The following BMAL1 variants were observed in gnomAD, a reference collection of about 807,000 sequenced individuals.
BMAL1 encodes basic helix-loop-helix ARNT-like protein 1.
At chr11:13,278,390 G>GA in the BMAL1 span, among the ~76,000 whole-genome samples, 1 of 152,206 alleles carries the variant, frequency 6.6e-6, no homozygotes, top group African/African-American at 2.4e-5. Flanking sequence ...GGGGATCCCC[G>GA]AGGGGACCAT....
At chr11:13,283,690 A>G in the BMAL1 span, among the ~76,000 whole-genome samples, 1 of 152,156 alleles carries the variant, frequency 6.6e-6, no homozygotes, top group Non-Finnish European at 1.5e-5. Context: ...ATTGTTGACA[A>G]ACATGGTATG....
At chr11:13,284,152 ATATATATGTGTG>A in the BMAL1 span, among the ~76,000 whole-genome samples, 237 of 64,764 alleles carry the variant, frequency 3.7e-3, 24 homozygotes, top group African/African-American at 0.014. Flanking sequence ...ATGTGTATAT[ATATATATGTGTG>A]TATATATATA....
chr11:13,296,559 C>T, the BMAL1 span, among the ~76,000 whole-genome samples: 2 of 152,210 alleles, frequency 1.3e-5, no homozygotes, highest in Admixed American at 6.5e-5. Context: ...TTATTACCCT[C>T]CTTTAAAAAT....
At chr11:13,299,977 T>C in the BMAL1 span, among the ~76,000 whole-genome samples, 1 of 152,216 alleles carries the variant, frequency 6.6e-6, no homozygotes, top group Non-Finnish European at 1.5e-5. Flanking sequence ...TGTTCGCTCA[T>C]CCAGAGATGG....
the BMAL1 span, among the ~76,000 whole-genome samples, chr11:13,331,409 A>G: frequency 5.9e-5 from 9 of 152,360 alleles, no homozygotes; most frequent in Non-Finnish European, 8.8e-5. Context: ...GAAGGTAAGT[A>G]TGATGCAGTG....
At chr11:13,305,662 C>T in the BMAL1 span, among the ~76,000 whole-genome samples, 1 of 152,084 alleles carries the variant, frequency 6.6e-6, no homozygotes, top group Non-Finnish European at 1.5e-5. Context: ...TGGGAGTGCA[C>T]ATCCTTGCCT....
chr11:13,298,014 C>T, the BMAL1 span, among the ~76,000 whole-genome samples: 1 of 152,304 alleles, frequency 6.6e-6, no homozygotes, highest in South Asian at 2.1e-4. Context: ...CTTCCTGTCC[C>T]AGTCAGAGGA....
chr11:13,357,050 C>T, the BMAL1 span: 1 of 1,614,194 alleles, frequency 6.2e-7, no homozygotes, highest in African/African-American at 1.3e-5. The surrounding 1 kb of genome is among the most constrained non-coding windows in gnomAD (Gnocchi z 4.8). Context: ...TTTTCCTCCC[C>T]CCAGGTTAGA....
At chr11:13,342,856 T>C in the BMAL1 span, among the ~76,000 whole-genome samples, 1 of 152,188 alleles carries the variant, frequency 6.6e-6, no homozygotes, top group Non-Finnish European at 1.5e-5. Context: ...TTATACAAAA[T>C]CTCTGATCTT....
chr11:13,297,424 T>C, the BMAL1 span, among the ~76,000 whole-genome samples: 1 of 152,214 alleles, frequency 6.6e-6, no homozygotes, highest in African/African-American at 2.4e-5. Flanking sequence ...TTTATGTTTT[T>C]AAGGGTTCTT....
the BMAL1 span, among the ~76,000 whole-genome samples, chr11:13,325,208 G>A: frequency 6.6e-6 from 1 of 152,236 alleles, no homozygotes; most frequent in Admixed American, 6.5e-5. Context: ...CATGTTCTCT[G>A]TAGTGGCATT....
the BMAL1 span, chr11:13,375,592 T>C: frequency 4.5e-6 from 7 of 1,544,450 alleles, no homozygotes; most frequent in South Asian, 2.5e-5. Flanking sequence ...ACAATGTCCA[T>C]GTTTTCTTTA....
chr11:13,376,658 C>T, the BMAL1 span: 7 of 1,613,938 alleles, frequency 4.3e-6, no homozygotes, highest in African/African-American at 2.7e-5. Context: ...TCCTGGAAGG[C>T]GGGGACCCAA....
chr11:13,312,454 A>G, the BMAL1 span, among the ~76,000 whole-genome samples: 2 of 152,142 alleles, frequency 1.3e-5, no homozygotes, highest in South Asian at 4.1e-4. Flanking sequence ...TTAGGAGTCT[A>G]TTGAAAGGGC....
At chr11:13,341,953 G>A in the BMAL1 span, among the ~76,000 whole-genome samples, 1 of 152,254 alleles carries the variant, frequency 6.6e-6, no homozygotes, top group Non-Finnish European at 1.5e-5. Context: ...CTGGTCCCCA[G>A]AGTGGAAGTG....
chr11:13,324,543 G>C, the BMAL1 span, among the ~76,000 whole-genome samples: 2 of 152,028 alleles, frequency 1.3e-5, no homozygotes, highest in South Asian at 2.1e-4. Context: ...CCCTCTCCCC[G>C]CTGCTTCAAC....
chr11:13,356,160 T>C, the BMAL1 span: 1 of 407,964 alleles, frequency 2.5e-6, no homozygotes, highest in African/African-American at 2.1e-5. Flanking sequence ...CCATCCCAAT[T>C]CCTAAAATCT....
the BMAL1 span, among the ~76,000 whole-genome samples, chr11:13,306,818 C>T: frequency 2.0e-5 from 3 of 152,350 alleles, no homozygotes; most frequent in African/African-American, 2.4e-5. Context: ...TTCTGGAATG[C>T]GAGTTGATGC....
the BMAL1 span, among the ~76,000 whole-genome samples, chr11:13,318,389 A>G: frequency 6.6e-6 from 1 of 152,144 alleles, no homozygotes; most frequent in Admixed American, 6.5e-5. Flanking sequence ...ACAATTTTTA[A>G]AAAGTGTTCA....
Sources: allele counts gnomAD v4.1 joint callset (sites outside exome capture counted in the v4.1 genomes callset), GRCh38; gene constraint gnomAD v4.1.1; non-coding constraint Gnocchi (gnomAD v3.1); transcripts MANE v1.5; gene names NCBI Gene and HGNC (gene_info 2026-07-23, HGNC 2026-07-21).